The following KHDRBS2 variants were observed in gnomAD, a reference collection of about 807,000 sequenced individuals.
KHDRBS2 encodes KH domain-containing, RNA-binding, signal transduction-associated protein 2.
KHDRBS2 carries 26 observed loss-of-function variants against 44.3 expected under a neutral mutation model. That is an observed-to-expected ratio of 0.59 (90% CI 0.43 to 0.81). The LOEUF (loss-of-function observed/expected upper bound fraction) is 0.81. KHDRBS2 is among the 40% of genes least tolerant of loss of function. The probability of loss-of-function intolerance (pLI) is 0.00; values close to 1 mark genes in which losing one functional copy is unlikely to be tolerated. For synonymous variants in KHDRBS2, 194 were observed against 151.1 expected, an observed-to-expected ratio of 1.28 and a Z score of -2.08; for missense variants, 476 against 433.1, an observed-to-expected ratio of 1.10 and a Z score of -0.88.
chr6:62,190,822 C>A (rs756264508), intron 1 of KHDRBS2, among the ~76,000 whole-genome samples: 3 of 152,086 alleles, frequency 2.0e-5, no homozygotes, highest in Non-Finnish European at 4.4e-5. Flanking sequence ...GAGTTACTCC[C>A]TGGTACTCCC....
intron 2 of KHDRBS2, among the ~76,000 whole-genome samples, chr6:62,100,650 T>C (rs75506858): frequency 0.075 from 11,462 of 152,258 alleles, 465 homozygotes; most frequent in African/African-American, 0.087. Flanking sequence ...AAAGACTGAC[T>C]CACTGAAGGT....
At chr6:62,007,839 C>T (rs576827531) in intron 3 of KHDRBS2, among the ~76,000 whole-genome samples, 26 of 152,112 alleles carry the variant, frequency 1.7e-4, no homozygotes, top group South Asian at 8.3e-4. Flanking sequence ...TTTATAAAGG[C>T]GTATTTGATG....
At chr6:61,593,956 T>C in the KHDRBS2 span, among the ~76,000 whole-genome samples, 1 of 152,108 alleles carries the variant, frequency 6.6e-6, no homozygotes, top group Admixed American at 6.6e-5. Flanking sequence ...TTTGAAAATA[T>C]GACATTCCAG....
intron 6 of KHDRBS2, among the ~76,000 whole-genome samples, chr6:61,799,172 T>A (rs1785854023): frequency 6.6e-6 from 1 of 151,898 alleles, no homozygotes; most frequent in Non-Finnish European, 1.5e-5. Flanking sequence ...TATGCTTTTT[T>A]AAAAAACAAA....
At chr6:61,583,429 T>C in the KHDRBS2 span, among the ~76,000 whole-genome samples, 1 of 151,800 alleles carries the variant, frequency 6.6e-6, no homozygotes, top group Admixed American at 6.6e-5. Context: ...AAAGCTATTA[T>C]GAATTCAACA....
chr6:61,641,523 A>G, the KHDRBS2 span, among the ~76,000 whole-genome samples: 19,477 of 152,164 alleles, frequency 0.13, 1,582 homozygotes, highest in Non-Finnish European at 0.19. Context: ...GTATCCTCCA[A>G]TTCTTCATTT....
the KHDRBS2 span, among the ~76,000 whole-genome samples, chr6:61,560,589 G>A: frequency 6.6e-6 from 1 of 151,962 alleles, no homozygotes; most frequent in Non-Finnish European, 1.5e-5. Context: ...TCATTCTGCT[G>A]TTAAAGGACT....
At chr6:61,777,384 G>T (rs60098123) in intron 6 of KHDRBS2, among the ~76,000 whole-genome samples, 1 of 152,092 alleles carries the variant, frequency 6.6e-6, no homozygotes, top group Non-Finnish European at 1.5e-5. Context: ...GAGGAAAACA[G>T]TGCAGTTTGC....
chr6:62,228,840 C>G (rs1380521090), intron 1 of KHDRBS2, among the ~76,000 whole-genome samples: 7 of 152,030 alleles, frequency 4.6e-5, no homozygotes, highest in Non-Finnish European at 7.4e-5. Flanking sequence ...AGATGTCACT[C>G]GAGGAAGCTG....
intron 6 of KHDRBS2, among the ~76,000 whole-genome samples, chr6:61,818,266 T>TAAAAAAAAAAAAAAAAAAAAA (rs60399147): frequency 8.7e-6 from 1 of 114,490 alleles, no homozygotes; most frequent in African/African-American, 3.1e-5. Context: ...CCTCTGTAAG[T>TAAAAAAAAAAAAAAAAAAAAA]AAAAAAAAAA....
At chr6:61,855,314 A>G (rs1415390114) in intron 6 of KHDRBS2, among the ~76,000 whole-genome samples, 2 of 152,042 alleles carry the variant, frequency 1.3e-5, no homozygotes, top group Non-Finnish European at 2.9e-5. Context: ...TCAAAAATAC[A>G]TAGTCTTTTG....
At chr6:61,628,546 T>A in the KHDRBS2 span, among the ~76,000 whole-genome samples, 1 of 152,152 alleles carries the variant, frequency 6.6e-6, no homozygotes, top group Non-Finnish European at 1.5e-5. Flanking sequence ...ACCAATTACT[T>A]TACTCATTAC....
chr6:62,211,100 A>G (rs985593298), intron 1 of KHDRBS2, among the ~76,000 whole-genome samples: 5 of 152,166 alleles, frequency 3.3e-5, no homozygotes, highest in Non-Finnish European at 7.4e-5. Flanking sequence ...ACCAGAAAAA[A>G]CAAGGCTACA....
At chr6:61,644,159 C>T in the KHDRBS2 span, among the ~76,000 whole-genome samples, 1 of 152,208 alleles carries the variant, frequency 6.6e-6, no homozygotes, top group Middle Eastern at 3.4e-3. Flanking sequence ...CACACACCTA[C>T]AACCATCTAT....
intron 2 of KHDRBS2, among the ~76,000 whole-genome samples, chr6:62,115,490 G>T (rs1806003058): frequency 2.0e-5 from 3 of 152,172 alleles, no homozygotes; most frequent in Admixed American, 1.3e-4. Flanking sequence ...CAAATGCCAA[G>T]CTCTTAATCA....
intron 3 of KHDRBS2, among the ~76,000 whole-genome samples, chr6:62,006,656 C>T (rs975299664): frequency 3.3e-5 from 5 of 151,834 alleles, no homozygotes; most frequent in South Asian, 2.1e-4. Context: ...AATACTGATC[C>T]GCTTTATCCT....
the KHDRBS2 span, among the ~76,000 whole-genome samples, chr6:61,609,856 C>T: frequency 6.6e-6 from 1 of 152,136 alleles, no homozygotes; most frequent in Non-Finnish European, 1.5e-5. Flanking sequence ...GAATACTAAT[C>T]TTTCACGATG....
chr6:61,753,400 C>T (rs1437662532), intron 6 of KHDRBS2, among the ~76,000 whole-genome samples: 1 of 152,040 alleles, frequency 6.6e-6, no homozygotes, highest in African/African-American at 2.4e-5. Context: ...CCCCCACCCC[C>T]CCAAACCATA....
chr6:61,582,060 T>G, the KHDRBS2 span, among the ~76,000 whole-genome samples: 97 of 151,998 alleles, frequency 6.4e-4, no homozygotes, highest in African/African-American at 2.2e-3. Flanking sequence ...TTCTAATTAT[T>G]TAAGTAATAA....
Sources: gnomAD v4.1 joint callset for allele counts (sites outside exome capture counted in the v4.1 genomes callset) on GRCh38, gnomAD v4.1.1 for gene constraint, MANE v1.5 for transcripts, NCBI Gene and HGNC (gene_info 2026-07-23, HGNC 2026-07-21) for gene names.